The following BEST3 variants were observed in gnomAD, a reference collection of about 807,000 sequenced individuals.
BEST3 encodes bestrophin-3.
A neutral mutation model predicts 47.1 loss-of-function variants in BEST3; 50 were observed. The observed-to-expected ratio is 1.06, with a 90% CI of 0.85 to 1.34. The LOEUF (loss-of-function observed/expected upper bound fraction) is 1.34, where lower values mean the gene tolerates loss of function less well. BEST3 is among the 40% of genes most tolerant of loss of function. The pLI, the probability that BEST3 is intolerant of heterozygous loss-of-function variation, is 0.00. For synonymous variants in BEST3, 282 were observed against 298.8 expected (o/e 0.94, Z 0.58); for missense variants, 765 against 817.0 (o/e 0.94, Z 0.78).
chr12:69,669,241 G>A (rs1438938291), intron 9 of BEST3, among the ~76,000 whole-genome samples: 1 of 152,184 alleles, frequency 6.6e-6, no homozygotes, highest in Non-Finnish European at 1.5e-5. Flanking sequence ...CTATTTTCCT[G>A]CAGTAAATTT....
chr12:69,697,413 C>T (rs1340370997), intron 2 of BEST3, among the ~76,000 whole-genome samples: 5 of 152,254 alleles, frequency 3.3e-5, no homozygotes, highest in African/African-American at 1.2e-4. Flanking sequence ...CGAGGCACAA[C>T]TGGGGCTGGA....
In BEST3 at chr12:69,655,497, T is replaced by C. The variant is rs1272365277; in HGVS notation, c.1417A>G (p.Arg473Gly). 8 of 1,614,020 alleles carry C rather than the reference T, an allele frequency of 5.0e-6. No individual in the cohort carries two copies. The highest frequency in any genetic ancestry group is 6.8e-6 in the Non-Finnish European group (8 of 1,180,002). The change falls in exon 10 of 10, where the codon AGG becomes GGG. Residue 473 changes from arginine to glycine, a missense_variant. Coordinates refer to ENST00000330891, the MANE Select transcript of BEST3 (RefSeq NM_032735.3). ...AAAGTGCTTGTCTGGCTGGTCTCCC[T>C]GATGGTGGACAGCTCTCCCATGCTG... Reference protein sequence around the residue: ...HFSMGELSTIRETSQTSTLQS... With the variant: ...HFSMGELSTIGETSQTSTLQS...
At chr12:69,660,910 T>C (rs1343740361) in intron 9 of BEST3, 1 of 152,196 alleles carries the variant, frequency 6.6e-6, no homozygotes, top group Non-Finnish European at 1.5e-5. Context: ...ACATATGGAA[T>C]ACCTACACAA....
At chr12:69,692,781 G>T (rs1182248993) in intron 4 of BEST3, among the ~76,000 whole-genome samples, 1 of 152,058 alleles carries the variant, frequency 6.6e-6, no homozygotes, top group African/African-American at 2.4e-5. Flanking sequence ...TTATTTTTTG[G>T]GGACTGATGG....
At chr12:69,677,100 A>G in intron 6 of BEST3, 32 bp from the exon 7 acceptor site, 1 of 1,614,100 alleles carries the variant, frequency 6.2e-7, no homozygotes, top group Non-Finnish European at 8.5e-7. Flanking sequence ...GTGAGGGGAC[A>G]GTGCTGGCCT....
chr12:69,650,777 T>A (rs946049023), downstream of BEST3, among the ~76,000 whole-genome samples: 1 of 152,086 alleles, frequency 6.6e-6, no homozygotes, highest in African/African-American at 2.4e-5. Context: ...AGAGGAGGAA[T>A]TCATTGCCAT....
intron 9 of BEST3, among the ~76,000 whole-genome samples, chr12:69,645,867 A>C (rs190832763): frequency 1.3e-5 from 2 of 152,178 alleles, no homozygotes; most frequent in East Asian, 3.9e-4. Context: ...AATGTTCATC[A>C]CAACCGTCTC....
chr12:69,690,606 C>T (rs1178635236), intron 4 of BEST3, among the ~76,000 whole-genome samples: 3 of 152,188 alleles, frequency 2.0e-5, no homozygotes, highest in Non-Finnish European at 4.4e-5. Context: ...TTGGACCCGG[C>T]ATCTGATTCC....
intron 7 of BEST3, among the ~76,000 whole-genome samples, chr12:69,674,100 A>G (rs1023713113): frequency 6.6e-6 from 1 of 151,884 alleles, no homozygotes; most frequent in Non-Finnish European, 1.5e-5. Flanking sequence ...ACAGGGAGAG[A>G]GTTGGGGGAG....
In BEST3 at chr12:69,655,604, T is replaced by A. The variant is rs750181711; in HGVS notation, c.1310A>T (p.Asp437Val). The A allele has an allele frequency of 1.2e-6, 2 of 1,613,784 alleles. No individual in the cohort carries two copies. Among genetic ancestry groups the A allele is most frequent in the East Asian group, 2.2e-5 (1 of 44,874 alleles). Reference sequence around the variant, plus strand: ...CCTGGGGGGGTTTCTTGAGGGCACATCCAGTAGGTCCCTGGCTGGGCTGAG... The same window carrying A: ...CCTGGGGGGGTTTCTTGAGGGCACAACCAGTAGGTCCCTGGCTGGGCTGAG... ...DDLSPARDLL[D>V]VPSRNPPRAS... The change falls in exon 10 of 10, where the codon GAT (aspartate) becomes GTT (valine). Residue 437 changes from aspartate (D) to valine (V), a missense_variant. Physicochemically the swap from Asp to Val is radical, Grantham distance 152. Coordinates refer to ENST00000330891, the MANE Select transcript of BEST3 (RefSeq NM_032735.3).
exon 10 of BEST3, chr12:69,643,573 G>T: frequency 1.9e-6 from 1 of 533,254 alleles, no homozygotes; most frequent in Non-Finnish European, 3.4e-6. Context: ...GCATTTCTTA[G>T]GAACTCCACA....
chr12:69,692,275 T>C (rs1885953652), intron 4 of BEST3, among the ~76,000 whole-genome samples: 1 of 152,212 alleles, frequency 6.6e-6, no homozygotes, highest in Non-Finnish European at 1.5e-5. Flanking sequence ...GGAGACTAAA[T>C]ACTGCAAACT....
intron 4 of BEST3, among the ~76,000 whole-genome samples, chr12:69,680,736 G>A (rs1405885506): frequency 2.0e-5 from 3 of 152,092 alleles, no homozygotes; most frequent in African/African-American, 7.2e-5. Flanking sequence ...AGGAAATCAC[G>A]ATGATCTGTT....
chr12:69,647,365 A>G (rs1883071809), intron 9 of BEST3, among the ~76,000 whole-genome samples: 2 of 152,184 alleles, frequency 1.3e-5, no homozygotes, highest in Admixed American at 6.5e-5. Context: ...AATGAGTGCT[A>G]TGCCCCAAGC....
At chr12:69,663,693 C>A (rs1202238075) in intron 9 of BEST3, among the ~76,000 whole-genome samples, 1 of 152,064 alleles carries the variant, frequency 6.6e-6, no homozygotes, top group African/African-American at 2.4e-5. Context: ...TGGTGTCATG[C>A]ACTTGTAGTC....
At chr12:69,643,864 TCA>T in intron 9 of BEST3, 2 of 584,328 alleles carry the variant, frequency 3.4e-6, no homozygotes, top group South Asian at 4.7e-5. Context: ...TTCGCCAAAC[TCA>T]CAGAGTTGAA....
chr12:69,655,406 A>G lies in BEST3; in HGVS notation c.1508T>C (p.Val503Ala), dbSNP rs753679158. Residue 503 changes from valine (V) to alanine (A), a missense_variant, in exon 10 of 10, where the codon GTA becomes GCA. Coordinates refer to ENST00000330891, the MANE Select transcript of BEST3 (RefSeq NM_032735.3). ...TGGTGCTTCGGCTGCTGTGATCAAT[A>G]CCTCAGGTACCAGTGGCATTTTGAT... ...SPIKMPLVPEVLITAAEAPVP... is the reference protein window; with the variant it reads ...SPIKMPLVPEALITAAEAPVP... 1 of 1,614,060 alleles carries G rather than the reference A, an allele frequency of 6.2e-7. No individual in the cohort carries two copies.
chr12:69,674,180 A>G (rs923253117), intron 7 of BEST3, among the ~76,000 whole-genome samples: 1 of 152,196 alleles, frequency 6.6e-6, no homozygotes, highest in Admixed American at 6.5e-5. Flanking sequence ...CCATGTGATT[A>G]GTTTCTAGAG....
downstream of BEST3, among the ~76,000 whole-genome samples, chr12:69,651,502 G>T (rs759693583): frequency 1.1e-4 from 17 of 152,148 alleles, no homozygotes; most frequent in Non-Finnish European, 2.4e-4. Flanking sequence ...ACAGGGTGTG[G>T]TGGCTCATGC....
Sources: allele counts gnomAD v4.1 joint callset (sites outside exome capture counted in the v4.1 genomes callset), GRCh38; gene constraint gnomAD v4.1.1; transcripts MANE v1.5; gene names NCBI Gene and HGNC (gene_info 2026-07-23, HGNC 2026-07-21).